PAG1: variants seen among roughly 807,000 people sequenced by gnomAD.
PAG1 encodes the protein phosphoprotein membrane anchor with glycosphingolipid microdomains 1.
PAG1 carries 23 observed loss-of-function variants against 31.7 expected under a neutral mutation model. The ratio of observed to expected loss-of-function variants is 0.73; its 90% CI spans 0.52 to 1.03. PAG1 has a LOEUF of 1.03. PAG1 is among the 50% of genes least tolerant of loss of function. PAG1 has a pLI of 0.00. For missense variants in PAG1, 473 were observed against 540.7 expected (o/e 0.87, Z 1.24); for synonymous variants, 214 against 210.3 (o/e 1.02, Z -0.15).
At chr8:81,102,532 A>C (rs1809625820) in intron 1 of PAG1, among the ~76,000 whole-genome samples, 1 of 152,178 alleles carries the variant, frequency 6.6e-6, no homozygotes, top group South Asian at 2.1e-4. Flanking sequence ...TTTCATCTGG[A>C]AATTGCAATT....
chr8:80,982,794 C>T (rs1807335694), intron 7 of PAG1, among the ~76,000 whole-genome samples: 1 of 152,314 alleles, frequency 6.6e-6, no homozygotes, highest in African/African-American at 2.4e-5. Flanking sequence ...TCATCACTGC[C>T]TCTTCTTTAT....
chr8:81,046,342 T>C (rs933085791), intron 2 of PAG1, among the ~76,000 whole-genome samples: 1 of 152,198 alleles, frequency 6.6e-6, no homozygotes. Context: ...CTGGTGTTTA[T>C]CCATAAACTG....
intron 1 of PAG1, among the ~76,000 whole-genome samples, chr8:81,090,006 G>A (rs902080950): frequency 3.3e-5 from 5 of 152,124 alleles, no homozygotes; most frequent in Admixed American, 3.3e-4. Context: ...GCTCTTTTAT[G>A]CATTTCAATA....
At chr8:81,090,263 A>G (rs1040553953) in intron 1 of PAG1, among the ~76,000 whole-genome samples, 19 of 152,208 alleles carry the variant, frequency 1.2e-4, no homozygotes, top group African/African-American at 4.6e-4. Flanking sequence ...GGGGTGGACT[A>G]TAAAACAAGA....
Position 80,977,596 on chromosome 8 carries a change from C to T in PAG1, c.937-690G>A, listed in dbSNP as rs910782620. On this transcript the variant is annotated intron_variant, in intron 8 of 8. Transcript: ENST00000220597. ...TGTCCATTATTTCTTGACTTAGTTG[C>T]GTATTACTGGTTAAACAGACATTGA... is the stretch of plus-strand genomic sequence containing the variant. Among the ~76,000 whole-genome samples, 8 of 152,280 alleles carry T rather than the reference C, an allele frequency of 5.3e-5. No individual in the cohort carries two copies. The East Asian group carries it at 9.6e-4, about 18-fold the overall frequency.
chr8:81,025,889 G>GTA (rs1808268483), intron 3 of PAG1, among the ~76,000 whole-genome samples: 1 of 152,186 alleles, frequency 6.6e-6, no homozygotes, highest in South Asian at 2.1e-4. Context: ...CATGGTGTGT[G>GTA]TACCTCTGTG....
At chr8:81,013,791 GCTGGT>G (rs972349021) in intron 3 of PAG1, among the ~76,000 whole-genome samples, 22 of 152,232 alleles carry the variant, frequency 1.4e-4, no homozygotes, top group East Asian at 1.4e-3. Context: ...TGTTGGCCAG[GCTGGT>G]CTCAAACTCC....
chr8:81,007,668 A>T (rs985348878), intron 3 of PAG1, among the ~76,000 whole-genome samples: 6 of 147,556 alleles, frequency 4.1e-5, no homozygotes, highest in Non-Finnish European at 6.0e-5. Context: ...AAAGAACTTA[A>T]AAAATAAAAC....
chr8:81,089,516 T>G (rs1432561091), intron 1 of PAG1, among the ~76,000 whole-genome samples: 1 of 150,992 alleles, frequency 6.6e-6, no homozygotes, highest in East Asian at 2.0e-4. Flanking sequence ...TGCAGTGAGC[T>G]GAGATCGCAC....
At chr8:81,023,618 A>AG (rs1258947525) in intron 3 of PAG1, among the ~76,000 whole-genome samples, 2 of 152,112 alleles carry the variant, frequency 1.3e-5, no homozygotes, top group South Asian at 2.1e-4. Flanking sequence ...AGAAAGAGAG[A>AG]GAAAAAAAGG....
chr8:80,997,319 C>A (rs1265788377), intron 3 of PAG1, among the ~76,000 whole-genome samples: 1 of 152,140 alleles, frequency 6.6e-6, no homozygotes, highest in East Asian at 1.9e-4. Flanking sequence ...GCTCTGTCAC[C>A]TAGGCTGGAG....
At chr8:81,007,174 G>A (rs1277133339) in intron 3 of PAG1, among the ~76,000 whole-genome samples, 1 of 152,120 alleles carries the variant, frequency 6.6e-6, no homozygotes, top group Non-Finnish European at 1.5e-5. Flanking sequence ...TTGCAGGTAG[G>A]GACAGGCATA....
chr8:80,997,287 C>CT (rs941015269), intron 3 of PAG1, among the ~76,000 whole-genome samples: 3 of 151,916 alleles, frequency 2.0e-5, no homozygotes, highest in Admixed American at 6.6e-5. Flanking sequence ...ATTATTTCTT[C>CT]TTTTTTTTGA....
At chr8:81,068,894 C>G (rs550173189) in intron 2 of PAG1, among the ~76,000 whole-genome samples, 1 of 152,268 alleles carries the variant, frequency 6.6e-6, no homozygotes, top group Non-Finnish European at 1.5e-5. Context: ...TTCATTACCC[C>G]CAACCGGAAA....
At chr8:81,096,968 A>G (rs1040786424) in intron 1 of PAG1, among the ~76,000 whole-genome samples, 3 of 152,258 alleles carry the variant, frequency 2.0e-5, no homozygotes, top group Non-Finnish European at 4.4e-5. Flanking sequence ...GAAAGCAAAC[A>G]GAGGGATGAG....
At chr8:81,004,864 A>G (rs1364125699) in intron 3 of PAG1, among the ~76,000 whole-genome samples, 2 of 152,166 alleles carry the variant, frequency 1.3e-5, no homozygotes, top group Non-Finnish European at 2.9e-5. Flanking sequence ...ACACGGTGGA[A>G]AGGACTCCCT....
At chr8:81,079,320 C>T (rs1040947517) in intron 1 of PAG1, among the ~76,000 whole-genome samples, 2 of 152,098 alleles carry the variant, frequency 1.3e-5, no homozygotes, top group Non-Finnish European at 2.9e-5. Flanking sequence ...TCATCTACTC[C>T]TCGACTGGAA....
intron 2 of PAG1, among the ~76,000 whole-genome samples, chr8:81,057,211 C>T (rs1224660906): frequency 3.3e-5 from 5 of 152,170 alleles, no homozygotes; most frequent in Admixed American, 1.3e-4. Flanking sequence ...CCAGCCATCC[C>T]ACTACTGGGC....
intron 6 of PAG1, among the ~76,000 whole-genome samples, chr8:80,986,165 C>T (rs186688742): frequency 6.6e-6 from 1 of 152,188 alleles, no homozygotes; most frequent in Non-Finnish European, 1.5e-5. Context: ...TAGTGTCTCA[C>T]TCTGGGGGAA....
Sources: allele counts gnomAD v4.1 joint callset (sites outside exome capture counted in the v4.1 genomes callset), GRCh38; gene constraint gnomAD v4.1.1; transcripts MANE v1.5; gene names NCBI Gene and HGNC (gene_info 2026-07-23, HGNC 2026-07-21).